The following SPPL3 variants were observed in gnomAD, a reference collection of about 807,000 sequenced individuals.
SPPL3 encodes the protein signal peptide peptidase-like 3.
In SPPL3, 5 loss-of-function variants were observed where a neutral mutation model predicts 42.4. The ratio of observed to expected loss-of-function variants is 0.12; its 90% CI spans 0.06 to 0.25. The LOEUF (loss-of-function observed/expected upper bound fraction) is 0.25. Ranked by LOEUF, SPPL3 falls within the 10% of genes least tolerant of loss-of-function variation. The probability of loss-of-function intolerance (pLI) is 1.00; values close to 1 mark genes in which losing one functional copy is unlikely to be tolerated. For synonymous variants in SPPL3, 195 were observed against 181.8 expected, an observed-to-expected ratio of 1.07 and a Z score of -0.58; for missense variants, 235 against 489.0, an observed-to-expected ratio of 0.48 and a Z score of 4.90.
intron 1 of SPPL3, among the ~76,000 whole-genome samples, chr12:120,839,869 A>C (rs1871751688): frequency 6.6e-6 from 1 of 152,200 alleles, no homozygotes; most frequent in Non-Finnish European, 1.5e-5. Context: ...AATGAACACA[A>C]ATGTTCAAAG....
At chr12:120,786,079 G>C (rs1715202592) in intron 3 of SPPL3, among the ~76,000 whole-genome samples, 1 of 152,130 alleles carries the variant, frequency 6.6e-6, no homozygotes, top group Admixed American at 6.5e-5. Context: ...TAGGGTTTTT[G>C]ATTGACTAAA....
chr12:120,876,016 A>ACCCCCCCCCCCCC (rs36042995), intron 1 of SPPL3, among the ~76,000 whole-genome samples: 1 of 144,028 alleles, frequency 6.9e-6, no homozygotes, highest in Non-Finnish European at 1.5e-5. Context: ...AAACAAACAG[A>ACCCCCCCCCCCCC]CCCCCCCCAC....
intron 1 of SPPL3, among the ~76,000 whole-genome samples, chr12:120,833,708 A>G (rs1478154435): frequency 2.2e-5 from 3 of 138,162 alleles, no homozygotes; most frequent in Admixed American, 2.1e-4. Context: ...AAAAGAGAAA[A>G]AAAGGAGGAA....
At chr12:120,821,021 A>T (rs1490663969) in intron 1 of SPPL3, among the ~76,000 whole-genome samples, 1 of 152,250 alleles carries the variant, frequency 6.6e-6, no homozygotes, top group Non-Finnish European at 1.5e-5. Context: ...TTTATATTTT[A>T]CCAAGACTAA....
chr12:120,771,444 G>GC (rs1869119118), intron 6 of SPPL3, among the ~76,000 whole-genome samples: 3 of 152,316 alleles, frequency 2.0e-5, no homozygotes, highest in East Asian at 1.9e-4. Context: ...AGTTCTTCAC[G>GC]CAAGTACTAG....
In SPPL3 at chr12:120,829,931, T is replaced by A. The variant is rs200419825; in HGVS notation, c.24-19045A>T. 2.5e-4 allele frequency among the ~76,000 whole-genome samples: 37 copies of A among 147,962 alleles called. 1 individual carries two copies. In the East Asian group the frequency reaches 3.4e-3, roughly 14 times the overall value. Reference sequence around the variant, plus strand: ...ATCACTTGAATGCGCGAGATAGAGGTCGCAGTGAGCTGAGATCGCACCATT... The same window carrying A: ...ATCACTTGAATGCGCGAGATAGAGGACGCAGTGAGCTGAGATCGCACCATT... On this transcript the variant is annotated intron_variant, in intron 1 of 10. Transcript: ENST00000353487.
chr12:120,830,827 A>C (rs1871404000), intron 1 of SPPL3, among the ~76,000 whole-genome samples: 1 of 152,070 alleles, frequency 6.6e-6, no homozygotes, highest in Non-Finnish European at 1.5e-5. Context: ...AGTTCTGCTT[A>C]CTGTAGCTTG....
chr12:120,873,831 C>T (rs1366463588), intron 1 of SPPL3, among the ~76,000 whole-genome samples: 11 of 151,874 alleles, frequency 7.2e-5, no homozygotes, highest in Admixed American at 6.6e-4. Context: ...AAGATCATGC[C>T]ACTGCACTCC....
In SPPL3 at chr12:120,809,338, C is replaced by T. The variant is rs569942180; in HGVS notation, c.101+1471G>A. 2.0e-5 allele frequency among the ~76,000 whole-genome samples: 3 copies of T among 151,572 alleles called. No individual in the cohort carries two copies. In the East Asian group the frequency reaches 5.8e-4, roughly 29 times the overall value. Reference sequence around the variant, plus strand: ...CCAGCCTGGGCAACAGAGTGAGACTCCGTCTCAAAAAAAAAAACACCAAAA... The same window carrying T: ...CCAGCCTGGGCAACAGAGTGAGACTTCGTCTCAAAAAAAAAAACACCAAAA... On this transcript the variant is annotated intron_variant, in intron 2 of 10. Transcript: ENST00000353487.
intron 2 of SPPL3, among the ~76,000 whole-genome samples, chr12:120,798,459 G>A (rs1425282086): frequency 6.6e-6 from 1 of 152,114 alleles, no homozygotes; most frequent in Non-Finnish European, 1.5e-5. Context: ...CCCTGCCAAC[G>A]CACCTGTGGT....
chr12:120,888,815 A>G (rs1047516281), intron 1 of SPPL3, among the ~76,000 whole-genome samples: 1 of 152,080 alleles, frequency 6.6e-6, no homozygotes, highest in Non-Finnish European at 1.5e-5. Flanking sequence ...TATATCTTAT[A>G]TTTTATTTTT....
rs1868983519 is a variant in SPPL3 at position 120,768,307 on chromosome 12, C to CATAGCATG, written c.773+10_773+17dup. 4.4e-6 allele frequency: 7 copies of CATAGCATG among 1,606,312 alleles called. No individual in the cohort carries two copies. The East Asian group carries it at 1.6e-4, about 36-fold the overall frequency. Reference sequence around the variant, plus strand: ...GCACAGGAAGACAGTGTGGTCCTGTCATAGCATGAGGTCTTACCTTGGGAA... The same window carrying CATAGCATG: ...GCACAGGAAGACAGTGTGGTCCTGTCATAGCATGATAGCATGAGGTCTTACCTTGGGAA... On this transcript the variant is annotated intron_variant, in intron 8 of 10. Coordinates refer to ENST00000353487, the MANE Select transcript of SPPL3 (RefSeq NM_139015.5).
intron 2 of SPPL3, among the ~76,000 whole-genome samples, chr12:120,804,371 A>T (rs1870421761): frequency 6.6e-6 from 1 of 152,176 alleles, no homozygotes; most frequent in Non-Finnish European, 1.5e-5. Context: ...CATTTTCACA[A>T]TAAAGAAAGA....
intron 9 of SPPL3, among the ~76,000 whole-genome samples, chr12:120,767,142 G>A (rs1214275034): frequency 2.0e-5 from 3 of 152,352 alleles, no homozygotes; most frequent in South Asian, 4.1e-4. Context: ...ACTGCACTGT[G>A]TGCTGTGTGT....
At chr12:120,784,985 C>G (rs992047244) in intron 3 of SPPL3, among the ~76,000 whole-genome samples, 1 of 152,142 alleles carries the variant, frequency 6.6e-6, no homozygotes, top group Non-Finnish European at 1.5e-5. Context: ...AAAAGGACTT[C>G]TCATCACCTG....
intron 6 of SPPL3, among the ~76,000 whole-genome samples, chr12:120,774,700 T>C (rs1165770666): frequency 6.6e-6 from 1 of 151,754 alleles, no homozygotes; most frequent in Non-Finnish European, 1.5e-5. Flanking sequence ...CAGAACATGC[T>C]CTCAATCTAG....
rs77306474 is a variant in SPPL3 at position 120,782,519 on chromosome 12, T to G, written c.502+136A>C. 2.6e-3 allele frequency: 1,565 copies of G among 603,318 alleles called. 21 individuals carry two copies. The African/African-American group carries it at 0.026, about 10-fold the overall frequency. The allele number at this position is 603,318 out of a possible 1,614,324, so 37.4% of individuals were successfully genotyped here. A position where few individuals can be genotyped will look rare whatever the true frequency, so the allele number is the denominator to read the frequency against. On this transcript the variant is annotated intron_variant, in intron 6 of 10. Coordinates refer to ENST00000353487, the MANE Select transcript of SPPL3 (RefSeq NM_139015.5). ...GTGGGTAAGGGGAATGACCGCTCAT[T>G]TGTTTTGGCGGGGGTGGGTGTGAAA... is the stretch of plus-strand genomic sequence containing the variant.
rs771287752 is a variant in SPPL3 at position 120,782,694 on chromosome 12, G to T, written c.463C>A (p.Leu155Ile). The T allele has an allele frequency of 7.4e-6, 12 of 1,611,628 alleles. No homozygotes were observed. Among genetic ancestry groups the T allele is most frequent in the Non-Finnish European group, 1.0e-5 (12 of 1,178,752 alleles). The change falls in exon 6 of 11, where the codon CTC becomes ATC. Residue 155 changes from leucine (L) to isoleucine (I), a missense_variant. By Grantham distance (5) the Leu-to-Ile change is conservative. Coordinates refer to ENST00000353487, the MANE Select transcript of SPPL3 (RefSeq NM_139015.5). ...CAATGGCCAGTGAGAACCCAGATGA[G>T]GACGAGCATGACAGACAGAGAGAAT... Reference protein sequence around the residue: ...LSFSLSVMLVLIWVLTGHWLL... With the variant: ...LSFSLSVMLVIIWVLTGHWLL...
intron 1 of SPPL3, among the ~76,000 whole-genome samples, chr12:120,880,800 A>G (rs990196231): frequency 5.3e-5 from 8 of 151,898 alleles, no homozygotes; most frequent in East Asian, 1.9e-4. Flanking sequence ...GGAAAAAAAA[A>G]TTATTTGCAA....
Sources: gnomAD v4.1 joint callset for allele counts (sites outside exome capture counted in the v4.1 genomes callset) on GRCh38, gnomAD v4.1.1 for gene constraint, MANE v1.5 for transcripts, NCBI Gene and HGNC (gene_info 2026-07-23, HGNC 2026-07-21) for gene names.